Variants in CYLC1 observed in about 807,000 individuals in gnomAD.
The protein encoded by CYLC1 is cylicin-1.
A neutral mutation model predicts 31.6 loss-of-function variants in CYLC1; 2 were observed. The ratio of observed to expected loss-of-function variants is 0.06; its 90% CI spans 0.03 to 0.20. The LOEUF (loss-of-function observed/expected upper bound fraction) is 0.20, where lower values mean the gene tolerates loss of function less well. Ranked by LOEUF, CYLC1 falls within the 10% of genes least tolerant of loss-of-function variation. The pLI, the probability that CYLC1 is intolerant of heterozygous loss-of-function variation, is 1.00. For missense variants in CYLC1, 595 were observed against 424.1 expected, an observed-to-expected ratio of 1.40 and a Z score of -3.54; for synonymous variants, 185 against 153.0, an observed-to-expected ratio of 1.21 and a Z score of -1.54.
At chrX:83,863,768 T>C (rs1376200838) in intron 1 of CYLC1, among the ~76,000 whole-genome samples, 1 of 111,932 alleles carries the variant, frequency 8.9e-6, no homozygotes, top group African/African-American at 3.2e-5. Flanking sequence ...GAGCAGATGC[T>C]TTCTTCTTGC....
intron 3 of CYLC1, among the ~76,000 whole-genome samples, chrX:83,871,938 G>A (rs1371463337): frequency 9.0e-6 from 1 of 111,128 alleles, no homozygotes; most frequent in Non-Finnish European, 1.9e-5. Flanking sequence ...ACGATATTAA[G>A]AGATTCAAGT....
chrX:83,886,689 C>T lies in CYLC1; in HGVS notation c.*105C>T. On this transcript the variant is annotated 3_prime_UTR_variant, in exon 5 of 5. Transcript: ENST00000329312. ...CTGTGGAACTGAAATAAAAACAAGT[C>T]TTCCATGAGTATCAAGAGTTGCTTT... 1 of 670,349 alleles carries T rather than the reference C, an allele frequency of 1.5e-6. No homozygotes were observed. The highest frequency in any genetic ancestry group is 2.3e-6 in the Non-Finnish European group (1 of 429,586). 55.2% of individuals were successfully genotyped at this position (670,349 alleles called of 1,213,427 possible). A position where few individuals can be genotyped will look rare whatever the true frequency, so the allele number is the denominator to read the frequency against.
At chrX:83,877,920 A>ATATATATAAATATAAATATATATATTTG (rs1475752371) in intron 4 of CYLC1, among the ~76,000 whole-genome samples, 12 of 80,641 alleles carry the variant, frequency 1.5e-4, no homozygotes, top group African/African-American at 4.1e-4. Context: ...ATATATATAT[A>ATATATATAAATATAAATATATATATTTG]TATATAAATA....
intron 1 of CYLC1, among the ~76,000 whole-genome samples, chrX:83,863,002 T>C (rs1403284581): frequency 9.0e-6 from 1 of 111,726 alleles, no homozygotes; most frequent in African/African-American, 3.3e-5. Context: ...TTGAATCTCA[T>C]GTCATCAACT....
At chrX:83,875,049 C>A (rs2031739736) in intron 4 of CYLC1, among the ~76,000 whole-genome samples, 1 of 111,097 alleles carries the variant, frequency 9.0e-6, no homozygotes, top group Non-Finnish European at 1.9e-5. Context: ...GCTAGATTAA[C>A]CAAAATTCAT....
rs2031711031 is a variant in CYLC1, at chrX:83,873,690, A to G, written c.982A>G (p.Lys328Glu). 2 of 1,200,811 alleles carry G rather than the reference A, an allele frequency of 1.7e-6. No individual in the cohort carries two copies. The highest frequency in any genetic ancestry group is 5.9e-5 in the East Asian group (2 of 33,692). ...KKDDKKKDVK[K>E]DTESTDAESG... is the part of the protein sequence containing the mutation. ...AGATGACAAGAAAAAGGATGTAAAG[A>G]AGGACACAGAGTCTACTGATGCTGA... The change falls in exon 4 of 5, where the codon AAG (lysine) becomes GAG (glutamate). Residue 328 changes from lysine (K) to glutamate (E), a missense_variant. Transcript: ENST00000329312.
At chrX:83,861,282 A>C in intron 1 of CYLC1, 83 bp downstream of exon 1, 1 of 691,005 alleles carries the variant, frequency 1.4e-6, no homozygotes, top group Non-Finnish European at 2.1e-6. Flanking sequence ...GTTTAACTGT[A>C]AAGAATGTTT....
At position 83,886,576 on chromosome X, in the gene CYLC1, C is replaced by T. The variant is rs768635828; in HGVS notation, c.1948C>T (p.Leu650=). ...GCCTGAAGCACCGTGGATTCATAAG[C>T]TGCTTTAAAGAACAACTGAGCACTT... ...PLPEAPWIHK[L]L The change falls in exon 5 of 5, where the codon CTG becomes TTG. Residue 650 remains leucine (L), a synonymous_variant. Coordinates refer to ENST00000329312, the MANE Select transcript of CYLC1 (RefSeq NM_021118.3). The T allele has an allele frequency of 8.3e-7, 1 of 1,207,677 alleles. No homozygotes were observed. Among genetic ancestry groups the T allele is most frequent in the Non-Finnish European group, 1.1e-6 (1 of 892,466 alleles).
In CYLC1 at chrX:83,869,900, T is replaced by C; in HGVS notation, c.53T>C (p.Ile18Thr). 1 of 825,731 alleles carries C rather than the reference T, an allele frequency of 1.2e-6. No homozygotes were observed. Among genetic ancestry groups the C allele is most frequent in the Non-Finnish European group, 1.6e-6 (1 of 628,788 alleles). The allele number at this position is 825,731 out of a possible 1,213,427, so 68.0% of individuals were successfully genotyped here. The change falls in exon 2 of 5, where the codon ATT (isoleucine) becomes ACT (threonine). Residue 18 changes from isoleucine (I) to threonine (T), a missense_variant. By Grantham distance (89) the Ile-to-Thr change is moderately conservative (BLOSUM62 -1). Transcript: ENST00000329312. Reference protein sequence around the residue: ...KVNIRTYDNSIPISESSRKSW... With the variant: ...KVNIRTYDNSTPISESSRKSW... Reference sequence around the variant, plus strand: ...AACATCAGAACATATGATAATTCCATTCCAAGTAAGAATTTAGTTAATGAA... The same window carrying C: ...AACATCAGAACATATGATAATTCCACTCCAAGTAAGAATTTAGTTAATGAA...
Position 83,873,202 on chromosome X carries a change from C to T in CYLC1, c.494C>T (p.Ser165Leu). The change falls in exon 4 of 5, where the codon TCA becomes TTA. Residue 165 changes from serine to leucine, a missense_variant. By Grantham distance (145) the Ser-to-Leu change is moderately radical. Coordinates refer to ENST00000329312, the MANE Select transcript of CYLC1 (RefSeq NM_021118.3). ...GAGGCAGATAAAACTCCCTTAAAAT[C>T]ATCACATGAAAATGAACAATCCAAG... ...QNEADKTPLK[S>L]SHENEQSKKS... The T allele has an allele frequency of 8.3e-7, 1 of 1,204,710 alleles. No homozygotes were observed. Among genetic ancestry groups the T allele is most frequent in the Non-Finnish European group, 1.1e-6 (1 of 891,542 alleles).
chrX:83,873,200 A>G lies in CYLC1; in HGVS notation c.492A>G (p.Lys164=). The stretch of plus-strand genomic sequence containing the variant: ...ATGAGGCAGATAAAACTCCCTTAAA[A>G]TCATCACATGAAAATGAACAATCCA... The part of the protein sequence containing the change: ...RQNEADKTPL[K]SSHENEQSKK... The change falls in exon 4 of 5, where the codon AAA becomes AAG. Residue 164 remains lysine, a synonymous_variant. Transcript: ENST00000329312. 1 of 1,205,453 alleles carries G rather than the reference A, an allele frequency of 8.3e-7. No homozygotes were observed. The highest frequency in any genetic ancestry group is 1.1e-6 in the Non-Finnish European group (1 of 892,043).
chrX:83,878,712 T>G (rs1326389019), intron 4 of CYLC1, among the ~76,000 whole-genome samples: 3 of 103,764 alleles, frequency 2.9e-5, no homozygotes, highest in Non-Finnish European at 5.8e-5. Context: ...ACAAGTATTT[T>G]TTTAAGTGAG....
chrX:83,871,474 A>G lies in CYLC1; in HGVS notation c.81A>G (p.Ser27=), dbSNP rs1198740969. The change falls in exon 3 of 5, where the codon TCA becomes TCG. Residue 27 remains serine, a synonymous_variant. Transcript: ENST00000329312. The part of the protein sequence containing the change: ...SIPISESSRK[S]WNQKHFALTF... Reference sequence around the variant, plus strand: ...TAGTCAGTGAATCAAGCAGAAAATCATGGAATCAAAAACACTTTGCTTTGA... The same window carrying G: ...TAGTCAGTGAATCAAGCAGAAAATCGTGGAATCAAAAACACTTTGCTTTGA... The G allele has an allele frequency of 2.5e-6, 3 of 1,202,694 alleles. No homozygotes were observed. Among genetic ancestry groups the G allele is most frequent in the Non-Finnish European group, 3.4e-6 (3 of 889,960 alleles).
Position 83,873,128 on chromosome X carries a change from A to G in CYLC1, c.420A>G (p.Thr140=), listed in dbSNP as rs753873375. Residue 140 remains threonine, a synonymous_variant, in exon 4 of 5, where the codon ACA becomes ACG. Coordinates refer to ENST00000329312, the MANE Select transcript of CYLC1 (RefSeq NM_021118.3). ...DSKKKGGSYA[T]NPESKQIVEE... ...AGAAAAAAGGAGGTTCATATGCAACAAATCCAGAATCCAAGCAAATAGTAG... is the reference window on the plus strand; with the variant it reads ...AGAAAAAAGGAGGTTCATATGCAACGAATCCAGAATCCAAGCAAATAGTAG... The G allele has an allele frequency of 8.3e-7, 1 of 1,198,985 alleles. No individual in the cohort carries two copies. Among genetic ancestry groups the G allele is most frequent in the East Asian group, 3.0e-5 (1 of 33,708 alleles).
intron 1 of CYLC1, among the ~76,000 whole-genome samples, chrX:83,865,048 T>G (rs1301519276): frequency 9.0e-6 from 1 of 111,491 alleles, no homozygotes; most frequent in Non-Finnish European, 1.9e-5. Flanking sequence ...AATTTATATC[T>G]CTGTTCCAGA....
At chrX:83,871,995 G>A (rs1160646453) in intron 3 of CYLC1, among the ~76,000 whole-genome samples, 1 of 110,662 alleles carries the variant, frequency 9.0e-6, no homozygotes, top group Non-Finnish European at 1.9e-5. Flanking sequence ...ATTAGCAAAA[G>A]GAAAAATAAG....
At chrX:83,874,957 G>A (rs901312811) in intron 4 of CYLC1, among the ~76,000 whole-genome samples, 4 of 110,688 alleles carry the variant, frequency 3.6e-5, no homozygotes, top group Non-Finnish European at 7.6e-5. Flanking sequence ...GAACAAAAAT[G>A]AAAATTGACT....
rs186635135 is a variant in CYLC1, at chrX:83,861,698, G to A, written c.17+499G>A. 5.4e-5 allele frequency among the ~76,000 whole-genome samples: 6 copies of A among 111,518 alleles called. No individual in the cohort carries two copies. The East Asian group carries it at 1.4e-3, about 26-fold the overall frequency. Reference sequence around the variant, plus strand: ...TAGAAGATAAAGTATTATTCATATGGAATTAAACAGTTTTCTGAAGTCTTT... The same window carrying A: ...TAGAAGATAAAGTATTATTCATATGAAATTAAACAGTTTTCTGAAGTCTTT... On this transcript the variant is annotated intron_variant, in intron 1 of 4. Transcript: ENST00000329312.
chrX:83,867,562 A>G (rs961883195), intron 1 of CYLC1, among the ~76,000 whole-genome samples: 2 of 111,241 alleles, frequency 1.8e-5, no homozygotes, highest in Non-Finnish European at 3.8e-5. Context: ...TTTCTTCTAA[A>G]CTCTGAGGGG....
Sources: allele counts gnomAD v4.1 joint callset (sites outside exome capture counted in the v4.1 genomes callset), GRCh38; gene constraint gnomAD v4.1.1; transcripts MANE v1.5; gene names NCBI Gene and HGNC (gene_info 2026-07-23, HGNC 2026-07-21).